The following PDE4B variants were observed in gnomAD, a reference collection of about 807,000 sequenced individuals.
PDE4B encodes the protein 3',5'-cyclic-AMP phosphodiesterase 4B.
PDE4B carries 20 observed loss-of-function variants against 82.2 expected under a neutral mutation model. That is an observed-to-expected ratio of 0.24 (90% confidence interval 0.17 to 0.35). The LOEUF (loss-of-function observed/expected upper bound fraction) is 0.35. Among genes scored for constraint, PDE4B ranks in the 10% least tolerant of loss-of-function variants. The pLI is 1.00. For missense variants in PDE4B, 655 were observed against 907.2 expected, an observed-to-expected ratio of 0.72 and a Z score of 3.57; for synonymous variants, 320 against 318.9, an observed-to-expected ratio of 1.00 and a Z score of -0.04.
At chr1:66,325,176 A>T (rs1193757195) in intron 7 of PDE4B, among the ~76,000 whole-genome samples, 1 of 152,204 alleles carries the variant, frequency 6.6e-6, no homozygotes, top group Non-Finnish European at 1.5e-5. Context: ...GAGCCATAGG[A>T]GCAACCCAAA....
intron 1 of PDE4B, among the ~76,000 whole-genome samples, chr1:65,855,901 A>G (rs12566211): frequency 0.03 from 4,631 of 152,134 alleles, 172 homozygotes; most frequent in East Asian, 0.12. Flanking sequence ...CTGCAGTCAT[A>G]GTGATTGCAG....
chr1:65,832,946 A>G (rs1646099432), intron 1 of PDE4B, among the ~76,000 whole-genome samples: 1 of 152,224 alleles, frequency 6.6e-6, no homozygotes, highest in Non-Finnish European at 1.5e-5. Context: ...TCTTGAGCTC[A>G]GGGAATATAG....
At chr1:66,014,108 CTGTT>C (rs1231990113) in intron 3 of PDE4B, among the ~76,000 whole-genome samples, 5 of 151,918 alleles carry the variant, frequency 3.3e-5, no homozygotes, top group African/African-American at 4.8e-5. Flanking sequence ...TGGAAAATGT[CTGTT>C]TAAGTCCTTT....
chr1:66,098,945 A>G (rs1391384951), intron 3 of PDE4B, among the ~76,000 whole-genome samples: 1 of 152,136 alleles, frequency 6.6e-6, no homozygotes, highest in African/African-American at 2.4e-5. Context: ...ACACATCTCC[A>G]TCACTTCCTA....
chr1:66,185,530 A>G lies in PDE4B; in HGVS notation c.282-61930A>G, dbSNP rs558715237. Among the ~76,000 whole-genome samples the G allele has an allele frequency of 2.1e-4, 32 of 151,892 alleles. 1 individual carries two copies. The East Asian group carries it at 5.8e-3, about 28-fold the overall frequency. Reference sequence around the variant, plus strand: ...GTTTCCTGACTTTTTAATGATTGCCATTCTAACTGGTGTGAGATGGTATCT... The same window carrying G: ...GTTTCCTGACTTTTTAATGATTGCCGTTCTAACTGGTGTGAGATGGTATCT... On this transcript the variant is annotated intron_variant, in intron 3 of 16. Transcript: ENST00000341517.
chr1:65,828,585 A>G (rs1646045849), intron 1 of PDE4B, among the ~76,000 whole-genome samples: 1 of 152,130 alleles, frequency 6.6e-6, no homozygotes, highest in African/African-American at 2.4e-5. Flanking sequence ...TGACTGTTTA[A>G]AGCAAAATTG....
intron 1 of PDE4B, among the ~76,000 whole-genome samples, chr1:65,876,474 A>C (rs1249357066): frequency 6.6e-6 from 1 of 152,238 alleles, no homozygotes; most frequent in African/African-American, 2.4e-5. Context: ...TTTTATTTTT[A>C]GAGTTAAATT....
chr1:66,323,359 G>A (rs901668568), intron 7 of PDE4B, among the ~76,000 whole-genome samples: 1 of 151,988 alleles, frequency 6.6e-6, no homozygotes, highest in Non-Finnish European at 1.5e-5. Context: ...CAGATTTTGG[G>A]TCCCTGGTTA....
chr1:65,863,700 C>T (rs954602018), intron 1 of PDE4B, among the ~76,000 whole-genome samples: 2 of 152,178 alleles, frequency 1.3e-5, no homozygotes, highest in African/African-American at 4.8e-5. Context: ...GTATTCAGTG[C>T]ATGCATATTT....
intron 3 of PDE4B, among the ~76,000 whole-genome samples, chr1:66,069,517 A>G (rs560977939): frequency 3.1e-4 from 47 of 152,090 alleles, no homozygotes; most frequent in African/African-American, 9.9e-4. Context: ...GTTTTGCATT[A>G]TACTATTTTC....
At chr1:66,346,133 G>A (rs1160958925) in intron 8 of PDE4B, among the ~76,000 whole-genome samples, 2 of 152,184 alleles carry the variant, frequency 1.3e-5, no homozygotes, top group African/African-American at 4.8e-5. Flanking sequence ...CTCCATATCT[G>A]TTGGAGAATA....
rs1646805424 is a variant in PDE4B, at chr1:65,887,591, T to C, written c.-70-25654T>C. On this transcript the variant is annotated intron_variant, in intron 1 of 16. Coordinates refer to ENST00000341517, the MANE Select transcript of PDE4B (RefSeq NM_002600.4). Reference sequence around the variant, plus strand: ...CACCAGCATATTTGGCTAATTTTTGTATTTTTTGAAGAGATGGGGTTTTGC... The same window carrying C: ...CACCAGCATATTTGGCTAATTTTTGCATTTTTTGAAGAGATGGGGTTTTGC... 1.3e-5 allele frequency among the ~76,000 whole-genome samples: 2 copies of C among 150,824 alleles called. 1 individual carries two copies. The highest frequency in any genetic ancestry group is 1.3e-4 in the Admixed American group (2 of 15,080).
At chr1:66,259,146 A>T (rs1451444995) in intron 6 of PDE4B, among the ~76,000 whole-genome samples, 1 of 152,134 alleles carries the variant, frequency 6.6e-6, no homozygotes, top group African/African-American at 2.4e-5. Flanking sequence ...TTATTTATTT[A>T]TTTATGTATT....
chr1:66,234,471 T>G (rs1410154558), intron 3 of PDE4B, among the ~76,000 whole-genome samples: 1 of 152,150 alleles, frequency 6.6e-6, no homozygotes, highest in African/African-American at 2.4e-5. Context: ...GTGTTTTTAG[T>G]AGAGACAGGG....
chr1:66,372,511 C>G lies in PDE4B; in HGVS notation c.2044C>G (p.Leu682Val), dbSNP rs34469235. 99 of 1,614,110 alleles carry G rather than the reference C, an allele frequency of 6.1e-5. No homozygotes were observed. The African/African-American group carries it at 1.1e-3, about 18-fold the overall frequency. Residue 682 changes from leucine (L) to valine (V), a missense_variant, in exon 17 of 17, where the codon CTG becomes GTG. Transcript: ENST00000341517. ...TCTGATGGAGAAGTTTCAGTTTGAA[C>G]TGACTCTCGATGAGGAAGATTCTGA... ...QGLMEKFQFELTLDEEDSEGP... is the reference protein window; with the variant it reads ...QGLMEKFQFEVTLDEEDSEGP...
intron 3 of PDE4B, among the ~76,000 whole-genome samples, chr1:65,930,034 C>A (rs898602481): frequency 1.3e-5 from 2 of 152,122 alleles, no homozygotes; most frequent in African/African-American, 4.8e-5. Context: ...ATACAAAGTC[C>A]CACAATAAGC....
At chr1:66,212,537 T>C (rs1650138967) in intron 3 of PDE4B, among the ~76,000 whole-genome samples, 1 of 152,156 alleles carries the variant, frequency 6.6e-6, no homozygotes, top group South Asian at 2.1e-4. Flanking sequence ...CTACTCGTTT[T>C]ACTTTTTTGT....
At chr1:66,005,782 A>G (rs1265401571) in intron 3 of PDE4B, among the ~76,000 whole-genome samples, 1 of 152,174 alleles carries the variant, frequency 6.6e-6, no homozygotes, top group Non-Finnish European at 1.5e-5. Context: ...GCAGAGTCTA[A>G]TATTATGAAG....
At chr1:66,193,964 T>TC (rs1271758619) in intron 3 of PDE4B, among the ~76,000 whole-genome samples, 8 of 151,526 alleles carry the variant, frequency 5.3e-5, no homozygotes, top group Admixed American at 5.3e-4. Flanking sequence ...TTTTTTTTTT[T>TC]TGGGAGATTC....
Sources: gnomAD v4.1 joint callset for allele counts (sites outside exome capture counted in the v4.1 genomes callset) on GRCh38, gnomAD v4.1.1 for gene constraint, MANE v1.5 for transcripts, NCBI Gene and HGNC (gene_info 2026-07-23, HGNC 2026-07-21) for gene names.